MANSC1: variants seen among roughly 807,000 people sequenced by gnomAD.
MANSC1 encodes MANSC domain-containing protein 1.
MANSC1 carries 13 observed loss-of-function variants against 14.1 expected under a neutral mutation model. That is an observed-to-expected ratio of 0.92 (90% CI 0.60 to 1.46). The LOEUF (loss-of-function observed/expected upper bound fraction) is 1.46. Among genes scored for constraint, MANSC1 ranks in the 40% most tolerant of loss-of-function variants. MANSC1 has a pLI of 0.00. For synonymous variants in MANSC1, 227 were observed against 200.7 expected (o/e 1.13, Z -1.11); for missense variants, 486 against 511.4 (o/e 0.95, Z 0.48).
intron 1 of MANSC1, among the ~76,000 whole-genome samples, chr12:12,346,190 A>C (rs368531296): frequency 0.014 from 1,394 of 98,162 alleles, 23 homozygotes; most frequent in African/African-American, 0.042. Context: ...GGAGAATGGC[A>C]TGAACCCCAG....
intron 2 of MANSC1, among the ~76,000 whole-genome samples, chr12:12,339,951 T>G (rs1012292542): frequency 6.6e-6 from 1 of 152,142 alleles, no homozygotes; most frequent in Non-Finnish European, 1.5e-5. Context: ...TAGCTGGGAC[T>G]TCAAGCGTGC....
chr12:12,339,126 G>T, intron 2 of MANSC1: 1 of 164,934 alleles, frequency 6.1e-6, no homozygotes, highest in Non-Finnish European at 1.3e-5. Context: ...AAGAGGCTGT[G>T]AAGAGGCTCT....
intron 2 of MANSC1, 160 bp from the exon 3 acceptor site, chr12:12,338,720 T>G: frequency 1.4e-6 from 1 of 698,434 alleles, no homozygotes; most frequent in Non-Finnish European, 2.4e-6. Flanking sequence ...TTCCTTAGCT[T>G]AGTTGCTTAA....
intron 1 of MANSC1, among the ~76,000 whole-genome samples, chr12:12,349,528 T>C (rs1863049826): frequency 6.6e-6 from 1 of 152,202 alleles, no homozygotes; most frequent in Non-Finnish European, 1.5e-5. Context: ...GAGTTGAATC[T>C]TGTTGAAAGA....
chr12:12,346,073 A>G (rs550632729), intron 1 of MANSC1, among the ~76,000 whole-genome samples: 121 of 152,328 alleles, frequency 7.9e-4, no homozygotes, highest in African/African-American at 2.7e-3. Flanking sequence ...GGAGATCACA[A>G]CCATCCTGGC....
chr12:12,330,162 G>A lies in MANSC1; in HGVS notation c.1161C>T (p.Ile387=), dbSNP rs372009221. 1.4e-5 allele frequency: 23 copies of A among 1,614,148 alleles called. No homozygotes were observed. Among genetic ancestry groups the A allele is most frequent in the African/African-American group, 1.1e-4 (8 of 75,048 alleles). ...YGLPFEKWLL[I]GSLLFGVLFL... ...ACAGGACACCAAAGAGCAGGGACCC[G>A]ATAAGAAGCCATTTTTCAAATGGAA... The change falls in exon 4 of 4, where the codon ATC becomes ATT. Residue 387 remains isoleucine, a synonymous_variant. Transcript: ENST00000535902.
chr12:12,338,886 CACAA>C (rs1463081111), intron 2 of MANSC1: 14 of 324,290 alleles, frequency 4.3e-5, no homozygotes, highest in African/African-American at 2.5e-4. Context: ...ACCACACACA[CACAA>C]ACACACACAC....
At chr12:12,333,675 C>T (rs984077703) in intron 3 of MANSC1, among the ~76,000 whole-genome samples, 9 of 152,172 alleles carry the variant, frequency 5.9e-5, no homozygotes, top group South Asian at 2.1e-4. Context: ...AGCAGCTCAG[C>T]GCCCTTAACT....
chr12:12,347,493 G>A (rs1258798577), intron 1 of MANSC1, among the ~76,000 whole-genome samples: 1 of 152,164 alleles, frequency 6.6e-6, no homozygotes, highest in East Asian at 1.9e-4. Context: ...ACTGGTCTGC[G>A]GCCCAGGGGT....
intron 1 of MANSC1, among the ~76,000 whole-genome samples, chr12:12,344,652 G>T (rs1862981772): frequency 6.6e-6 from 1 of 150,466 alleles, no homozygotes; most frequent in African/African-American, 2.4e-5. Flanking sequence ...TGTATTTTTA[G>T]TAGAGACGGG....
rs200149014 is a variant in MANSC1, at chr12:12,336,743, G to T, written c.364+1677C>A. On this transcript the variant is annotated intron_variant, in intron 3 of 3. Coordinates refer to ENST00000535902, the MANE Select transcript of MANSC1 (RefSeq NM_018050.4). Reference sequence around the variant, plus strand: ...AGGTCTCATCATGTTGCCCAGGCTGGTCTCTAACTTCTGGGCTCAAGTGAT... The same window carrying T: ...AGGTCTCATCATGTTGCCCAGGCTGTTCTCTAACTTCTGGGCTCAAGTGAT... 3.2e-4 allele frequency among the ~76,000 whole-genome samples: 49 copies of T among 152,140 alleles called. No individual in the cohort carries two copies. The East Asian group carries it at 7.4e-3, about 23-fold the overall frequency.
chr12:12,335,735 A>G (rs4237939), intron 3 of MANSC1, among the ~76,000 whole-genome samples: 117,808 of 151,408 alleles, frequency 0.78, 47,332 homozygotes, highest in East Asian at 0.99. Flanking sequence ...CCAGCTACTC[A>G]GGAGGCTGAG....
At chr12:12,337,694 T>C (rs142662762) in intron 3 of MANSC1, among the ~76,000 whole-genome samples, 2 of 152,330 alleles carry the variant, frequency 1.3e-5, no homozygotes, top group African/African-American at 2.4e-5. Flanking sequence ...ACCTTTTTTA[T>C]ATGGATAATC....
At chr12:12,333,735 AGACT>A (rs1253470677) in intron 3 of MANSC1, among the ~76,000 whole-genome samples, 1 of 152,188 alleles carries the variant, frequency 6.6e-6, no homozygotes, top group Non-Finnish European at 1.5e-5. Flanking sequence ...GAAAAATGAG[AGACT>A]GACTATTACT....
intron 3 of MANSC1, among the ~76,000 whole-genome samples, chr12:12,336,310 T>C (rs576474664): frequency 6.6e-6 from 1 of 152,334 alleles, no homozygotes; most frequent in East Asian, 1.9e-4. Flanking sequence ...CCTGAGGACC[T>C]TGGACTTGGA....
chr12:12,334,288 GAA>G (rs200973287), intron 3 of MANSC1, among the ~76,000 whole-genome samples: 1 of 135,558 alleles, frequency 7.4e-6, no homozygotes, highest in Non-Finnish European at 1.6e-5. Flanking sequence ...TAAAAAAAAA[GAA>G]AAAAAAAAAG....
rs11054813 is a variant in MANSC1 at position 12,327,154 on chromosome 12, C to T, written c.*2873G>A. 0.16 allele frequency: 23,959 copies of T among 152,166 alleles called. 1,983 individuals carry two copies. The highest frequency in any genetic ancestry group is 0.24 in the East Asian group (1,236 of 5,168). 9.4% of individuals were successfully genotyped at this position (152,166 alleles called of 1,614,324 possible). On this transcript the variant is annotated 3_prime_UTR_variant, in exon 4 of 4. Transcript: ENST00000535902. ...AGGTCAGTATCGTGTTGGTAAAATA[C>T]GGAGAGAGGATGTTTGAGCAGAAGG...
intron 2 of MANSC1, 104 bp from the exon 3 acceptor site, chr12:12,338,664 T>C: frequency 1.0e-6 from 1 of 980,674 alleles, no homozygotes; most frequent in Non-Finnish European, 1.5e-6. Flanking sequence ...ACAAACACCT[T>C]TGTTCATTTT....
intron 2 of MANSC1, among the ~76,000 whole-genome samples, chr12:12,342,754 A>G (rs1862953721): frequency 6.6e-6 from 1 of 152,136 alleles, no homozygotes; most frequent in Non-Finnish European, 1.5e-5. Context: ...TTTTCTTTGT[A>G]ATATCACACT....
Sources: allele counts gnomAD v4.1 joint callset (sites outside exome capture counted in the v4.1 genomes callset), GRCh38; gene constraint gnomAD v4.1.1; transcripts MANE v1.5; gene names NCBI Gene and HGNC (gene_info 2026-07-23, HGNC 2026-07-21).